GPR176: variants seen among roughly 807,000 people sequenced by gnomAD.
GPR176 encodes G protein-coupled receptor 176.
A neutral mutation model predicts 35.4 loss-of-function variants in GPR176; 26 were observed. The observed-to-expected ratio is 0.74, with a 90% confidence interval of 0.54 to 1.02. The LOEUF (loss-of-function observed/expected upper bound fraction) is 1.02, where lower values mean the gene tolerates loss of function less well. Ranked by LOEUF, GPR176 falls within the 50% of genes least tolerant of loss-of-function variation. The pLI is 0.00. For synonymous variants in GPR176, 278 were observed against 271.3 expected (o/e 1.02, Z -0.24); for missense variants, 597 against 665.3 (o/e 0.90, Z 1.13).
intron 1 of GPR176, among the ~76,000 whole-genome samples, chr15:39,827,361 T>A (rs1250003795): frequency 6.6e-6 from 1 of 152,148 alleles, no homozygotes. Flanking sequence ...CCAGAGCCAC[T>A]CCATGGTCAG....
At chr15:39,811,336 T>C (rs942489056) in intron 1 of GPR176, among the ~76,000 whole-genome samples, 1 of 152,098 alleles carries the variant, frequency 6.6e-6, no homozygotes, top group Non-Finnish European at 1.5e-5. Flanking sequence ...GCTAGAACAT[T>C]TACATTTAAT....
chr15:39,835,873 T>C (rs1420279280), intron 1 of GPR176, among the ~76,000 whole-genome samples: 2 of 152,138 alleles, frequency 1.3e-5, no homozygotes, highest in Non-Finnish European at 2.9e-5. Flanking sequence ...GGAGGGCAGA[T>C]CACTTGAGGC....
chr15:39,837,334 T>C (rs1901465067), intron 1 of GPR176, among the ~76,000 whole-genome samples: 1 of 152,178 alleles, frequency 6.6e-6, no homozygotes, highest in South Asian at 2.1e-4. Flanking sequence ...TGATTGCAGG[T>C]TGGGTTCTAG....
intron 1 of GPR176, among the ~76,000 whole-genome samples, chr15:39,836,042 C>G (rs1901380501): frequency 6.6e-6 from 1 of 152,178 alleles, no homozygotes; most frequent in Non-Finnish European, 1.5e-5. Context: ...TGGCAGTGAG[C>G]CAAGATCGTG....
Position 39,844,490 on chromosome 15 carries a change from T to A in GPR176, c.173-37232A>T, listed in dbSNP as rs973777019. ...CATGGTTCTCACCACAGTCACAGGA[T>A]CAGCCAAGAGGACCCCTGAAAAGAG... On this transcript the variant is annotated intron_variant, in intron 1 of 2. Transcript: ENST00000561100. 4.0e-5 allele frequency among the ~76,000 whole-genome samples: 6 copies of A among 151,878 alleles called. No homozygotes were observed. The East Asian group carries it at 1.2e-3, about 29-fold the overall frequency.
At position 39,799,177 on chromosome 15, in the gene GPR176, C is replaced by T. The variant is rs1271911907; in HGVS notation, c.*1955G>A. 1 of 152,202 alleles carries T rather than the reference C, an allele frequency of 6.6e-6. No individual in the cohort carries two copies. The highest frequency in any genetic ancestry group is 1.5e-5 in the Non-Finnish European group (1 of 68,034). 9.4% of individuals were successfully genotyped at this position (152,202 alleles called of 1,614,324 possible). On this transcript the variant is annotated 3_prime_UTR_variant, in exon 3 of 3. Coordinates refer to ENST00000561100, the MANE Select transcript of GPR176 (RefSeq NM_007223.3). Reference sequence around the variant, plus strand: ...CAAAATTTATTAAGTTGTACATATACAGTATATTATCAGAACAACACCAAA... The same window carrying T: ...CAAAATTTATTAAGTTGTACATATATAGTATATTATCAGAACAACACCAAA...
At chr15:39,857,750 C>T (rs903504572) in intron 1 of GPR176, among the ~76,000 whole-genome samples, 1 of 151,940 alleles carries the variant, frequency 6.6e-6, no homozygotes, top group Admixed American at 6.6e-5. Flanking sequence ...GGGCGGATCA[C>T]AAGGTCAGGA....
At chr15:39,856,095 C>T (rs534093569) in intron 1 of GPR176, among the ~76,000 whole-genome samples, 2 of 152,234 alleles carry the variant, frequency 1.3e-5, no homozygotes, top group African/African-American at 2.4e-5. Context: ...ATGCTCAAAA[C>T]GACAGCAGTA....
intron 1 of GPR176, among the ~76,000 whole-genome samples, chr15:39,867,877 G>T (rs2140835607): frequency 6.6e-6 from 1 of 152,184 alleles, no homozygotes; most frequent in Admixed American, 6.5e-5. Flanking sequence ...CAGCAACTCT[G>T]CTCAAGTATT....
chr15:39,919,869 A>G lies in GPR176; in HGVS notation c.158T>C (p.Ile53Thr). The G allele has an allele frequency of 6.9e-7, 1 of 1,459,352 alleles. No individual in the cohort carries two copies. Among genetic ancestry groups the G allele is most frequent in the Admixed American group, 2.7e-5 (1 of 36,958 alleles). The allele number at this position is 1,459,352 out of a possible 1,614,324, so 90.4% of individuals were successfully genotyped here. The stretch of plus-strand genomic sequence containing the variant: ...GGGAGGCTTACCGAGCAGCGAGCCT[A>G]TGAAGATGACGACCTGCACGGTGGT... ...FTTTVQVVIF[I>T]GSLLGNFMVL... Residue 53 changes from isoleucine to threonine, a missense_variant, in exon 1 of 3, where the codon ATA becomes ACA. By Grantham distance (89) the Ile-to-Thr change is moderately conservative (BLOSUM62 -1). This residue lies in a region of GPR176 where 126 missense variants were observed against 112.4 expected (regional missense o/e 1.12). Coordinates refer to ENST00000561100, the MANE Select transcript of GPR176 (RefSeq NM_007223.3).
At chr15:39,857,696 C>T (rs543095372) in intron 1 of GPR176, among the ~76,000 whole-genome samples, 6 of 151,720 alleles carry the variant, frequency 4.0e-5, no homozygotes, top group African/African-American at 7.2e-5. Flanking sequence ...GGGCAGGGCG[C>T]GGTGGCTTGT....
intron 1 of GPR176, among the ~76,000 whole-genome samples, chr15:39,877,629 C>T (rs996765037): frequency 6.6e-6 from 1 of 150,758 alleles, no homozygotes; most frequent in Admixed American, 6.6e-5. Context: ...TGACGGATCT[C>T]AGGTCACTGC....
intron 1 of GPR176, among the ~76,000 whole-genome samples, chr15:39,904,363 C>T (rs2033363745): frequency 6.6e-6 from 1 of 152,084 alleles, no homozygotes; most frequent in Admixed American, 6.5e-5. Flanking sequence ...AAAATTCTAC[C>T]AAGGCATCAA....
At chr15:39,870,111 T>G (rs1404685228) in intron 1 of GPR176, among the ~76,000 whole-genome samples, 1 of 152,148 alleles carries the variant, frequency 6.6e-6, no homozygotes, top group Non-Finnish European at 1.5e-5. Context: ...CTGCTCATGA[T>G]CCCTTCCTCG....
chr15:39,864,529 A>G (rs2031745380), intron 1 of GPR176, among the ~76,000 whole-genome samples: 1 of 152,166 alleles, frequency 6.6e-6, no homozygotes, highest in South Asian at 2.1e-4. Flanking sequence ...AGACCTAAGA[A>G]CTATAAAAAT....
intron 1 of GPR176, among the ~76,000 whole-genome samples, chr15:39,848,504 G>C (rs897518072): frequency 2.6e-5 from 4 of 152,022 alleles, no homozygotes; most frequent in African/African-American, 9.7e-5. Context: ...AGCAACAGGA[G>C]AATATACATT....
intron 2 of GPR176, among the ~76,000 whole-genome samples, chr15:39,804,415 A>G (rs1301520334): frequency 6.6e-6 from 1 of 152,244 alleles, no homozygotes; most frequent in Non-Finnish European, 1.5e-5. Flanking sequence ...TTTTCCTACT[A>G]AAAGGACTTG....
intron 1 of GPR176, among the ~76,000 whole-genome samples, chr15:39,852,772 A>T (rs1348137784): frequency 6.6e-6 from 1 of 152,250 alleles, no homozygotes; most frequent in African/African-American, 2.4e-5. Context: ...ATATAAACCC[A>T]TTAGGAACAC....
intron 1 of GPR176, among the ~76,000 whole-genome samples, chr15:39,898,832 G>A (rs1165014533): frequency 6.6e-6 from 1 of 152,154 alleles, no homozygotes; most frequent in African/African-American, 2.4e-5. Flanking sequence ...GACTATGAAA[G>A]GAAGAAGAAA....
Sources: allele counts gnomAD v4.1 joint callset (sites outside exome capture counted in the v4.1 genomes callset), GRCh38; gene constraint gnomAD v4.1.1; regional missense constraint gnomAD v4.1.1; transcripts MANE v1.5; gene names NCBI Gene and HGNC (gene_info 2026-07-23, HGNC 2026-07-21).